Variants in LRRC2 observed in about 807,000 individuals in gnomAD.
LRRC2 encodes the protein leucine-rich repeat-containing protein 2.
Under a neutral mutation model 40.2 loss-of-function variants are expected in LRRC2, and 27 were observed. The observed-to-expected ratio is 0.67, with a 90% CI of 0.49 to 0.93. The LOEUF (loss-of-function observed/expected upper bound fraction) is 0.93, where lower values mean the gene tolerates loss of function less well. Among genes scored for constraint, LRRC2 ranks in the 40% least tolerant of loss-of-function variants. The pLI is 0.00. For missense variants in LRRC2, 402 were observed against 439.6 expected, an observed-to-expected ratio of 0.91 and a Z score of 0.76; for synonymous variants, 147 against 158.9, an observed-to-expected ratio of 0.92 and a Z score of 0.56.
chr3:46,525,190 G>T (rs1704036134), intron 7 of LRRC2, among the ~76,000 whole-genome samples: 1 of 148,120 alleles, frequency 6.8e-6, no homozygotes, highest in East Asian at 2.0e-4. Flanking sequence ...CCAAGCTCAA[G>T]CGACCCTTGC....
In LRRC2 at chr3:46,518,840, T is replaced by G. The variant is rs1358680024; in HGVS notation, c.*174A>C. 2 of 561,164 alleles carry G rather than the reference T, an allele frequency of 3.6e-6. No individual in the cohort carries two copies. Among genetic ancestry groups the G allele is most frequent in the African/African-American group, 1.9e-5 (1 of 54,038 alleles). The allele number at this position is 561,164 out of a possible 1,614,324, so 34.8% of individuals were successfully genotyped here. A position where few individuals can be genotyped will look rare whatever the true frequency, so the allele number is the denominator to read the frequency against. On this transcript the variant is annotated 3_prime_UTR_variant, in exon 9 of 9. Coordinates refer to ENST00000395905, the MANE Select transcript of LRRC2 (RefSeq NM_024512.5). ...ACCAATTTTTCAATTCTCCAGTCCA[T>G]GGAGGGAGATACTCATGTATTTGAC...
At position 46,539,194 on chromosome 3, in the gene LRRC2, G is replaced by A. The variant is rs1440141394; in HGVS notation, c.341C>T (p.Pro114Leu). 1.2e-6 allele frequency: 2 copies of A among 1,613,426 alleles called. No individual in the cohort carries two copies. The highest frequency in any genetic ancestry group is 1.7e-6 in the Non-Finnish European group (2 of 1,179,716). Reference sequence around the variant, plus strand: ...GTGTGTCTGCTCCTTCAATGAATCTGGGAGCTCCTAAAATAGAAAGAATGA... The same window carrying A: ...GTGTGTCTGCTCCTTCAATGAATCTAGGAGCTCCTAAAATAGAAAGAATGA... The part of the protein sequence containing the change: ...ELSGEHWTEL[P>L]DSLKEQTHLR... Residue 114 changes from proline (P) to leucine (L), a missense_variant, in exon 4 of 9, where the codon CCA (proline) becomes CTA (leucine). By Grantham distance (98) the Pro-to-Leu change is moderately conservative. Coordinates refer to ENST00000395905, the MANE Select transcript of LRRC2 (RefSeq NM_024512.5).
At chr3:46,536,591 G>T (rs553438247) in intron 4 of LRRC2, among the ~76,000 whole-genome samples, 1 of 152,254 alleles carries the variant, frequency 6.6e-6, no homozygotes, top group South Asian at 2.1e-4. Flanking sequence ...CCCACCAGTG[G>T]TCTCAACCAT....
intron 7 of LRRC2, among the ~76,000 whole-genome samples, chr3:46,525,180 C>T (rs890674777): frequency 2.0e-5 from 3 of 151,302 alleles, no homozygotes; most frequent in Non-Finnish European, 4.4e-5. Context: ...CCTCGACCTC[C>T]CAAGCTCAAG....
chr3:46,549,711 C>T (rs6804179), intron 2 of LRRC2, among the ~76,000 whole-genome samples: 12,239 of 152,248 alleles, frequency 0.08, 575 homozygotes, highest in South Asian at 0.17. Flanking sequence ...AGAGCACAGT[C>T]TGCAGACCCC....
At chr3:46,550,415 G>A (rs1226709811) in intron 2 of LRRC2, among the ~76,000 whole-genome samples, 4 of 115,458 alleles carry the variant, frequency 3.5e-5, no homozygotes, top group East Asian at 2.4e-4. Context: ...ACAGAGTCTC[G>A]CTCTGTCGCC....
intron 7 of LRRC2, 53 bp downstream of exon 7, chr3:46,527,373 C>T: frequency 6.3e-7 from 1 of 1,597,992 alleles, no homozygotes; most frequent in Admixed American, 1.7e-5. Flanking sequence ...TCTGGTACTT[C>T]TCACTCCTTA....
chr3:46,564,074 C>G (rs1705006763), intron 1 of LRRC2, among the ~76,000 whole-genome samples: 2 of 151,998 alleles, frequency 1.3e-5, no homozygotes, highest in South Asian at 4.1e-4. Flanking sequence ...TCCATGACTC[C>G]AAGTTCCCAA....
chr3:46,544,111 A>G (rs939373083), intron 3 of LRRC2, among the ~76,000 whole-genome samples: 39 of 109,666 alleles, frequency 3.6e-4, no homozygotes, highest in African/African-American at 1.0e-3. Context: ...CAGGTCACGC[A>G]AAATATTTAG....
chr3:46,551,287 A>G (rs1704641739), intron 2 of LRRC2, 180 bp downstream of exon 2: 1 of 583,200 alleles, frequency 1.7e-6, no homozygotes, highest in Middle Eastern at 4.4e-4. Flanking sequence ...GGGTGTTGCT[A>G]TCATAGGAAC....
chr3:46,527,328 C>A, intron 7 of LRRC2, 98 bp downstream of exon 7: 1 of 1,255,254 alleles, frequency 8.0e-7, no homozygotes. Flanking sequence ...AGTACGAGAG[C>A]CATCTAATCC....
Position 46,518,987 on chromosome 3 carries a change from G to A in LRRC2, c.*27C>T. 6.7e-7 allele frequency: 1 copy of A among 1,482,908 alleles called. No homozygotes were observed. Among genetic ancestry groups the A allele is most frequent in the Non-Finnish European group, 9.4e-7 (1 of 1,060,784 alleles). 91.9% of individuals were successfully genotyped at this position (1,482,908 alleles called of 1,614,324 possible). On this transcript the variant is annotated 3_prime_UTR_variant, in exon 9 of 9. Transcript: ENST00000395905. The stretch of plus-strand genomic sequence containing the variant: ...GATTTATATATAGCTCCAGAGAATA[G>A]TGAGATTTGCAGTCTTCTGATGGAT...
At chr3:46,530,678 A>G (rs1003242938) in intron 5 of LRRC2, among the ~76,000 whole-genome samples, 10 of 152,232 alleles carry the variant, frequency 6.6e-5, no homozygotes, top group Middle Eastern at 6.3e-3. Context: ...CACGTCTTAC[A>G]TGGCAGCAGG....
At chr3:46,539,659 A>G (rs1251902751) in intron 3 of LRRC2, among the ~76,000 whole-genome samples, 1 of 152,184 alleles carries the variant, frequency 6.6e-6, no homozygotes, top group Admixed American at 6.5e-5. Flanking sequence ...GAGTCTATGA[A>G]AGGGAAAAAG....
chr3:46,550,980 A>G (rs1704632432), intron 2 of LRRC2: 1 of 152,148 alleles, frequency 6.6e-6, no homozygotes, highest in African/African-American at 2.4e-5. Context: ...CTCATATTTC[A>G]CGGCCGTATA....
At chr3:46,543,618 T>TTAA (rs202012137) in intron 3 of LRRC2, among the ~76,000 whole-genome samples, 12,090 of 104,888 alleles carry the variant, frequency 0.12, 735 homozygotes, top group African/African-American at 0.19. Context: ...TCCATCTCAA[T>TTAA]TAATAATAAT....
At chr3:46,524,868 C>T (rs1475000129) in intron 7 of LRRC2, among the ~76,000 whole-genome samples, 1 of 151,978 alleles carries the variant, frequency 6.6e-6, no homozygotes, top group Non-Finnish European at 1.5e-5. Context: ...ATTTCTTATG[C>T]TATAAAGTGA....
chr3:46,550,584 G>T (rs1303372811), intron 2 of LRRC2, among the ~76,000 whole-genome samples: 7 of 151,998 alleles, frequency 4.6e-5, no homozygotes, highest in African/African-American at 1.4e-4. Context: ...GCAGAGACGG[G>T]GTTTCACCGT....
At chr3:46,522,028 C>T (rs1387999864) in intron 7 of LRRC2, among the ~76,000 whole-genome samples, 1 of 152,058 alleles carries the variant, frequency 6.6e-6, no homozygotes, top group Admixed American at 6.6e-5. Context: ...TTTAAAATGA[C>T]GTGTCCAAAT....
Sources: gnomAD v4.1 joint callset for allele counts (sites outside exome capture counted in the v4.1 genomes callset) on GRCh38, gnomAD v4.1.1 for gene constraint, MANE v1.5 for transcripts, NCBI Gene and HGNC (gene_info 2026-07-23, HGNC 2026-07-21) for gene names.